SCFD2: variants seen among roughly 807,000 people sequenced by gnomAD.
SCFD2 encodes sec1 family domain containing 2, also known as sec1 family domain-containing protein 2.
In SCFD2, 54 loss-of-function variants were observed where a neutral mutation model predicts 58.9. That is an observed-to-expected ratio of 0.92 (90% CI 0.74 to 1.15). The LOEUF (loss-of-function observed/expected upper bound fraction) is 1.15. SCFD2 is among the 50% of genes most tolerant of loss of function. SCFD2 has a pLI of 0.00. For missense variants in SCFD2, 805 were observed against 836.6 expected, an observed-to-expected ratio of 0.96 and a Z score of 0.47; for synonymous variants, 321 against 335.9, an observed-to-expected ratio of 0.96 and a Z score of 0.49.
In SCFD2 at chr4:53,012,465, G is replaced by C. The variant is rs142417663; in HGVS notation, c.1562-91595C>G. On this transcript the variant is annotated intron_variant, in intron 5 of 8. Coordinates refer to ENST00000401642, the MANE Select transcript of SCFD2 (RefSeq NM_152540.4). ...GTCAAATAGGTTGGTCCTCTGTGAA[G>C]TGCCCATAATTCCAGAAGAACCCAG... 3.8e-3 allele frequency among the ~76,000 whole-genome samples: 582 copies of C among 152,118 alleles called. 2 individuals are homozygous for C. Among genetic ancestry groups the C allele is most frequent in the African/African-American group, 0.013 (552 of 41,504 alleles).
At position 53,340,800 on chromosome 4, in the gene SCFD2, T is replaced by C. The variant is rs569445638; in HGVS notation, c.1007+11798A>G. The stretch of plus-strand genomic sequence containing the variant: ...GATCAGGCAGCAACATTTGCCGATC[T>C]GCAATATTCGCTGTTATGCAGCCTC... On this transcript the variant is annotated intron_variant, in intron 2 of 8. Transcript: ENST00000401642. 1.2e-4 allele frequency among the ~76,000 whole-genome samples: 18 copies of C among 152,310 alleles called. 1 individual carries two copies. Among genetic ancestry groups the C allele is most frequent in the African/African-American group, 3.6e-4 (15 of 41,566 alleles).
At chr4:53,049,386 C>T (rs1464888407) in intron 5 of SCFD2, among the ~76,000 whole-genome samples, 1 of 152,220 alleles carries the variant, frequency 6.6e-6, no homozygotes, top group Admixed American at 6.5e-5. Context: ...TAACAACAAA[C>T]AGTGGTATAG....
chr4:53,241,267 G>A (rs180739909), intron 4 of SCFD2, among the ~76,000 whole-genome samples: 8 of 152,254 alleles, frequency 5.3e-5, no homozygotes, highest in Admixed American at 2.0e-4. Flanking sequence ...GATTTGGTGC[G>A]GTGGCAACTA....
At chr4:53,066,702 T>C (rs1414285954) in intron 5 of SCFD2, among the ~76,000 whole-genome samples, 2 of 152,008 alleles carry the variant, frequency 1.3e-5, no homozygotes, top group African/African-American at 4.8e-5. Context: ...TAGAAAACCT[T>C]TCACTTTCCC....
chr4:53,167,423 T>C (rs370993471), intron 4 of SCFD2, among the ~76,000 whole-genome samples: 1 of 152,308 alleles, frequency 6.6e-6, no homozygotes, highest in East Asian at 1.9e-4. Context: ...ACTGACCCAA[T>C]AGAATTTGAA....
chr4:53,295,190 A>G (rs188990239), intron 3 of SCFD2, among the ~76,000 whole-genome samples: 18 of 152,342 alleles, frequency 1.2e-4, no homozygotes, highest in African/African-American at 4.1e-4. Context: ...AGTCAATGGT[A>G]GCTTGATGGG....
chr4:52,955,383 T>A (rs1720688121), intron 5 of SCFD2, among the ~76,000 whole-genome samples: 1 of 152,218 alleles, frequency 6.6e-6, no homozygotes, highest in African/African-American at 2.4e-5. Context: ...AGCCTCCATG[T>A]GAAACAATGA....
At chr4:53,166,339 T>G (rs553947397) in intron 4 of SCFD2, among the ~76,000 whole-genome samples, 1 of 152,348 alleles carries the variant, frequency 6.6e-6, no homozygotes, top group East Asian at 1.9e-4. Flanking sequence ...CATTTAATCT[T>G]TGTCAATATA....
intron 5 of SCFD2, among the ~76,000 whole-genome samples, chr4:53,087,657 CTTTTTTT>C (rs34727687): frequency 6.1e-5 from 7 of 115,218 alleles, no homozygotes; most frequent in African/African-American, 1.6e-4. Context: ...TTTCTTTTTC[CTTTTTTT>C]TTTTTTTTTT....
intron 5 of SCFD2, chr4:52,956,198 A>G: frequency 2.2e-6 from 1 of 456,742 alleles, no homozygotes; most frequent in South Asian, 1.5e-5. Flanking sequence ...TCCCTGGAGC[A>G]GCAGCCATCT....
At chr4:53,117,208 AAG>A (rs1239581941) in intron 5 of SCFD2, among the ~76,000 whole-genome samples, 1 of 152,196 alleles carries the variant, frequency 6.6e-6, no homozygotes, top group Non-Finnish European at 1.5e-5. Flanking sequence ...GGAGTAGCAC[AAG>A]AGGGGCCACA....
intron 5 of SCFD2, among the ~76,000 whole-genome samples, chr4:53,127,405 T>A (rs1725658530): frequency 6.6e-6 from 1 of 152,210 alleles, no homozygotes; most frequent in African/African-American, 2.4e-5. Context: ...GTCTTCTATG[T>A]GCGCACCCCC....
At chr4:53,014,608 C>T (rs1407972773) in intron 5 of SCFD2, among the ~76,000 whole-genome samples, 1 of 152,200 alleles carries the variant, frequency 6.6e-6, no homozygotes, top group Non-Finnish European at 1.5e-5. Context: ...TGCCTCAGCC[C>T]TCTGTGTTTA....
chr4:52,988,528 A>G (rs560956253), intron 5 of SCFD2, among the ~76,000 whole-genome samples: 1 of 152,322 alleles, frequency 6.6e-6, no homozygotes, highest in South Asian at 2.1e-4. Context: ...ACCGCTGCTG[A>G]TTCTTAGGTT....
chr4:53,346,291 T>TTG (rs1734057385), intron 2 of SCFD2, among the ~76,000 whole-genome samples: 1 of 150,738 alleles, frequency 6.6e-6, no homozygotes, highest in African/African-American at 2.4e-5. Flanking sequence ...TTTTTTTTTT[T>TTG]GAGAGGGAGT....
At chr4:52,929,469 G>A (rs1719939403) in intron 5 of SCFD2, among the ~76,000 whole-genome samples, 1 of 152,212 alleles carries the variant, frequency 6.6e-6, no homozygotes, top group Non-Finnish European at 1.5e-5. Context: ...GCAGGTTTGG[G>A]ATGTGTGATG....
At position 53,365,646 on chromosome 4, in the gene SCFD2, T is replaced by C. The variant is rs377067266; in HGVS notation, c.296A>G (p.Gln99Arg). Residue 99 changes from glutamine (Q) to arginine (R), a missense_variant, in exon 1 of 9, where the codon CAG (glutamine) becomes CGG (arginine). Coordinates refer to ENST00000401642, the MANE Select transcript of SCFD2 (RefSeq NM_152540.4). This position sits in a 1 kb window ranked among gnomAD's most constrained non-coding sequence, Gnocchi z 4.3. The stretch of plus-strand genomic sequence containing the variant: ...CACGGTTGTGACCACCACACAATAC[T>C]GGAAGTGACTGCGGCAGATGATGTC... ...LRDIICRSHFQYCVVVTTVSH... is the reference protein window; with the variant it reads ...LRDIICRSHFRYCVVVTTVSH... The C allele has an allele frequency of 8.7e-6, 14 of 1,614,062 alleles. No homozygotes were observed. The South Asian group carries it at 1.2e-4, about 14-fold the overall frequency.
intron 5 of SCFD2, among the ~76,000 whole-genome samples, chr4:52,965,204 A>T (rs544445933): frequency 7.2e-5 from 11 of 152,170 alleles, no homozygotes; most frequent in Non-Finnish European, 1.6e-4. Flanking sequence ...AGCCATATTG[A>T]AAACACCCCA....
chr4:52,926,490 C>T (rs1266594702), intron 5 of SCFD2, among the ~76,000 whole-genome samples: 2 of 151,974 alleles, frequency 1.3e-5, no homozygotes, highest in Admixed American at 6.5e-5. Flanking sequence ...AGTAGGAGGG[C>T]GTAGCTAGAG....
Sources: allele counts gnomAD v4.1 joint callset (sites outside exome capture counted in the v4.1 genomes callset), GRCh38; gene constraint gnomAD v4.1.1; non-coding constraint Gnocchi (gnomAD v3.1); transcripts MANE v1.5; gene names NCBI Gene and HGNC (gene_info 2026-07-23, HGNC 2026-07-21).